Variants in NLRP9 observed in about 807,000 individuals in gnomAD.
NLRP9 encodes NLR family pyrin domain containing 9, also known as NACHT, LRR and PYD domains-containing protein 9.
Under a neutral mutation model 83.1 loss-of-function variants are expected in NLRP9, and 88 were observed. The observed-to-expected ratio is 1.06, with a 90% CI of 0.89 to 1.26. The LOEUF is 1.26. Ranked by LOEUF, NLRP9 falls within the 50% of genes most tolerant of loss-of-function variation. The probability of loss-of-function intolerance (pLI) is 0.00; values close to 1 mark genes in which losing one functional copy is unlikely to be tolerated. For synonymous variants in NLRP9, 521 were observed against 447.6 expected (o/e 1.16, Z -2.07); for missense variants, 1,308 against 1,179.3 (o/e 1.11, Z -1.60).
intron 6 of NLRP9, 38 bp downstream of exon 6, chr19:55,715,014 AAAG>A: frequency 6.4e-7 from 1 of 1,565,102 alleles, no homozygotes; most frequent in Non-Finnish European, 8.7e-7. Context: ...GTATCCAAAA[AAAG>A]AAACCCTGAC....
chr19:55,715,060 C>T lies in NLRP9; in HGVS notation c.2496G>A (p.Glu832=), dbSNP rs777533333. Residue 832 remains glutamate, a synonymous_variant, in exon 6 of 9, where the codon GAG becomes GAA. Transcript: ENST00000332836. ...CAAATCATGGCCGGTCCTACCACAGCTCCCGTATGCTGCAGCCTGGGTGCT... is the reference window on the plus strand; with the variant it reads ...CAAATCATGGCCGGTCCTACCACAGTTCCCGTATGCTGCAGCCTGGGTGCT... ...ALKHPGCSIR[E]LWLMGCFLTS... The T allele has an allele frequency of 1.2e-6, 2 of 1,607,874 alleles. No individual in the cohort carries two copies. The highest frequency in any genetic ancestry group is 1.1e-5 in the South Asian group (1 of 90,074).
rs557573298 is a variant in NLRP9 at position 55,733,176 on chromosome 19, G to A, written c.655C>T (p.Gln219Ter). Residue 219 changes from glutamine (Q) to a stop codon, truncating the protein, a stop_gained, in exon 2 of 9, where the codon CAG (glutamine) becomes TAG (stop). Transcript: ENST00000332836. LOFTEE classifies it high-confidence loss of function. ...ATGATGAACAGAATTCTCTCTGGCTGGGAAAAAATGTCTTCGATCTTCTCT... is the reference window on the plus strand; with the variant it reads ...ATGATGAACAGAATTCTCTCTGGCTAGGAAAAAATGTCTTCGATCTTCTCT... The part of the protein sequence containing the change: ...SSEKIEDIFS[Q>*]PERILFIMDG... 2.7e-5 allele frequency: 43 copies of A among 1,613,606 alleles called. No homozygotes were observed. Among genetic ancestry groups the A allele is most frequent in the Middle Eastern group, 1.7e-4 (1 of 6,052 alleles).
intron 1 of NLRP9, among the ~76,000 whole-genome samples, chr19:55,737,894 G>T (rs1988827655): frequency 6.6e-6 from 1 of 152,048 alleles, no homozygotes; most frequent in South Asian, 2.1e-4. Context: ...GTGAACAGTT[G>T]GTATCAGGAC....
chr19:55,736,434 A>C (rs760660770), intron 1 of NLRP9, among the ~76,000 whole-genome samples: 17 of 151,968 alleles, frequency 1.1e-4, no homozygotes, highest in Admixed American at 2.6e-4. Context: ...TTTTTATAAC[A>C]TTTAGGACCT....
chr19:55,719,924 C>T (rs571061951), intron 4 of NLRP9, among the ~76,000 whole-genome samples: 4 of 151,892 alleles, frequency 2.6e-5, no homozygotes, highest in East Asian at 1.9e-4. Context: ...TACAATGGGA[C>T]GAAATATACT....
intron 8 of NLRP9, chr19:55,711,372 T>A: frequency 8.1e-7 from 1 of 1,229,258 alleles, no homozygotes; most frequent in Non-Finnish European, 1.0e-6. Flanking sequence ...CAGAACAACG[T>A]TAACTGCTGC....
intron 4 of NLRP9, 115 bp from the exon 5 acceptor site, chr19:55,717,013 C>A: frequency 1.3e-4 from 83 of 643,236 alleles, no homozygotes; most frequent in Non-Finnish European, 1.9e-4. Context: ...GATCCATTAT[C>A]TACACTACAG....
rs773568406 is a variant in NLRP9 at position 55,733,453 on chromosome 19, T to A, written c.378A>T (p.Glu126Asp). The A allele has an allele frequency of 1.9e-6, 3 of 1,613,886 alleles. No homozygotes were observed. The highest frequency in any genetic ancestry group is 2.5e-6 in the Non-Finnish European group (3 of 1,179,908). ...CLHVPEHFYK[E>D]TMKNEYKELN... ...ATTCTTTATACTCATTTTTCATGGT[T>A]TCTTTGTAGAAATGCTCAGGGACGT... is the stretch of plus-strand genomic sequence containing the variant. Residue 126 changes from glutamate (E) to aspartate (D), a missense_variant, in exon 2 of 9, where the codon GAA (glutamate) becomes GAT (aspartate). Physicochemically the swap from Glu to Asp is conservative, Grantham distance 45 (BLOSUM62 2). Coordinates refer to ENST00000332836, the MANE Select transcript of NLRP9 (RefSeq NM_176820.4).
intron 1 of NLRP9, among the ~76,000 whole-genome samples, chr19:55,736,558 G>T (rs1474719218): frequency 6.6e-6 from 1 of 151,972 alleles, no homozygotes. Flanking sequence ...CACAGATAAA[G>T]AAAACTGGCA....
chr19:55,727,414 C>T (rs1568600879), intron 3 of NLRP9, among the ~76,000 whole-genome samples: 1 of 152,182 alleles, frequency 6.6e-6, no homozygotes. Context: ...CTTCATGTTA[C>T]CATTGACCTC....
intron 5 of NLRP9, among the ~76,000 whole-genome samples, chr19:55,715,712 G>T (rs1212301349): frequency 6.6e-6 from 1 of 152,032 alleles, no homozygotes. Flanking sequence ...ATTAAAACTT[G>T]TAACACCTAC....
chr19:55,730,986 T>G (rs1988553549), intron 2 of NLRP9, among the ~76,000 whole-genome samples: 1 of 152,176 alleles, frequency 6.6e-6, no homozygotes, highest in African/African-American at 2.4e-5. Context: ...AACTCTGGTG[T>G]AAACATTTAG....
chr19:55,738,317 T>C lies in NLRP9; in HGVS notation c.58A>G (p.Lys20Glu). 6.2e-7 allele frequency: 1 copy of C among 1,614,116 alleles called. No homozygotes were observed. The change falls in exon 1 of 9, where the codon AAG (lysine) becomes GAG (glutamate). Residue 20 changes from lysine (K) to glutamate (E), a missense_variant. Physicochemically the swap from Lys to Glu is moderately conservative, Grantham distance 56. Coordinates refer to ENST00000332836, the MANE Select transcript of NLRP9 (RefSeq NM_176820.4). ...GLLWYLKELR[K>E]EEFWKFKELL... ...TCCTTAAATTTCCAAAACTCTTCCTTTCTGAGCTCCTTCAGATACCACAAC... is the reference window on the plus strand; with the variant it reads ...TCCTTAAATTTCCAAAACTCTTCCTCTCTGAGCTCCTTCAGATACCACAAC...
intron 4 of NLRP9, among the ~76,000 whole-genome samples, chr19:55,717,309 A>G (rs1005146240): frequency 2.6e-5 from 4 of 152,184 alleles, no homozygotes; most frequent in African/African-American, 9.7e-5. Flanking sequence ...CTGGGATTAC[A>G]TGGATGAGCC....
chr19:55,732,305 G>A lies in NLRP9; in HGVS notation c.1526C>T (p.Thr509Ile), dbSNP rs762311853. 2 of 1,614,184 alleles carry A rather than the reference G, an allele frequency of 1.2e-6. No individual in the cohort carries two copies. The highest frequency in any genetic ancestry group is 1.7e-6 in the Non-Finnish European group (2 of 1,180,028). The stretch of plus-strand genomic sequence containing the variant: ...TTTTGACAGTGGAAAACCAAAGGAG[G>A]TCTCCAGCATGCTGACGATTTCTTC... ...STEEIVSMLETSFGFPLSKDL... is the reference protein window; with the variant it reads ...STEEIVSMLEISFGFPLSKDL... Residue 509 changes from threonine to isoleucine, a missense_variant, in exon 2 of 9, where the codon ACC becomes ATC. Physicochemically the swap from Thr to Ile is moderately conservative, Grantham distance 89. Transcript: ENST00000332836.
At chr19:55,736,021 A>G (rs1325011037) in intron 1 of NLRP9, among the ~76,000 whole-genome samples, 1 of 152,018 alleles carries the variant, frequency 6.6e-6, no homozygotes, top group Non-Finnish European at 1.5e-5. Flanking sequence ...TGGATTTATC[A>G]TTATATTATT....
chr19:55,718,413 G>A lies in NLRP9; in HGVS notation c.2160-1515C>T, dbSNP rs528377948. On this transcript the variant is annotated intron_variant, in intron 4 of 8. Transcript: ENST00000332836. Reference sequence around the variant, plus strand: ...TCCTGCTGGTCCCTGGGAATGGAATGTCTAGGTGTAAAGCTGACCATTCCC... The same window carrying A: ...TCCTGCTGGTCCCTGGGAATGGAATATCTAGGTGTAAAGCTGACCATTCCC... 6.2e-4 allele frequency among the ~76,000 whole-genome samples: 94 copies of A among 152,354 alleles called. 1 individual carries two copies. The highest frequency in any genetic ancestry group is 8.7e-4 in the Non-Finnish European group (59 of 68,040).
Position 55,724,022 on chromosome 19 carries a change from C to T in NLRP9, c.2117G>A (p.Cys706Tyr), listed in dbSNP as rs1988319766. 6.8e-6 allele frequency: 11 copies of T among 1,614,098 alleles called. No individual in the cohort carries two copies. Among genetic ancestry groups the T allele is most frequent in the Non-Finnish European group, 9.3e-6 (11 of 1,179,964 alleles). The change falls in exon 4 of 9, where the codon TGT (cysteine) becomes TAT (tyrosine). Residue 706 changes from cysteine to tyrosine, a missense_variant. Coordinates refer to ENST00000332836, the MANE Select transcript of NLRP9 (RefSeq NM_176820.4). Reference protein sequence around the residue: ...SLSQSDIRHLCETLKHPMCKI... With the variant: ...SLSQSDIRHLYETLKHPMCKI... ...GCACATTGGATGTTTCAGCGTCTCA[C>T]ACAGGTGTCTGATGTCAGACTGGGA... is the stretch of plus-strand genomic sequence containing the variant.
At chr19:55,710,457 A>C (rs1987665903) in intron 8 of NLRP9, among the ~76,000 whole-genome samples, 1 of 151,952 alleles carries the variant, frequency 6.6e-6, no homozygotes. Context: ...CTGTGTCCCC[A>C]CCCAAATCTC....
Sources: gnomAD v4.1 joint callset for allele counts (sites outside exome capture counted in the v4.1 genomes callset) on GRCh38, gnomAD v4.1.1 for gene constraint, MANE v1.5 for transcripts, NCBI Gene and HGNC (gene_info 2026-07-23, HGNC 2026-07-21) for gene names.